BLTP3B: variants seen among roughly 807,000 people sequenced by gnomAD.
The protein encoded by BLTP3B is UHRF1 (ICBP90) binding protein 1-like.
chr12:100,081,781 G>A, the BLTP3B span, among the ~76,000 whole-genome samples: 1 of 152,178 alleles, frequency 6.6e-6, no homozygotes, highest in Non-Finnish European at 1.5e-5. Flanking sequence ...ACTCTGCGGT[G>A]TATATGTACC....
At chr12:100,055,548 G>C in the BLTP3B span, among the ~76,000 whole-genome samples, 3 of 151,578 alleles carry the variant, frequency 2.0e-5, no homozygotes, top group East Asian at 5.8e-4. Context: ...GTGGTGGTGG[G>C]TGCCTGTAAT....
the BLTP3B span, among the ~76,000 whole-genome samples, chr12:100,066,159 A>C: frequency 6.6e-6 from 1 of 152,146 alleles, no homozygotes; most frequent in Admixed American, 6.6e-5. Context: ...GACTCACACA[A>C]ACTTAAGGTA....
chr12:100,055,726 C>T, the BLTP3B span, among the ~76,000 whole-genome samples: 96 of 150,618 alleles, frequency 6.4e-4, no homozygotes, highest in Middle Eastern at 7.0e-3. Context: ...CCCAGTTCTG[C>T]GTACAATAAT....
the BLTP3B span, among the ~76,000 whole-genome samples, chr12:100,092,052 G>T: frequency 6.6e-6 from 1 of 151,116 alleles, no homozygotes; most frequent in Non-Finnish European, 1.5e-5. Flanking sequence ...CAAAAGATCC[G>T]CCTGCCTCAG....
the BLTP3B span, among the ~76,000 whole-genome samples, chr12:100,061,965 A>G: frequency 2.3e-3 from 354 of 152,338 alleles, 8 homozygotes; most frequent in East Asian, 0.04. Context: ...TAAACAGACA[A>G]TTACGGTAAA....
At chr12:100,109,997 T>C in the BLTP3B span, among the ~76,000 whole-genome samples, 1 of 152,146 alleles carries the variant, frequency 6.6e-6, no homozygotes, top group Non-Finnish European at 1.5e-5. Flanking sequence ...ACATTACACA[T>C]CTACTTTGAA....
the BLTP3B span, chr12:100,108,352 C>G: frequency 6.3e-7 from 1 of 1,583,708 alleles, no homozygotes; most frequent in Non-Finnish European, 8.5e-7. Context: ...AAAGGCCTTC[C>G]ACAAATATCA....
chr12:100,093,415 A>T, the BLTP3B span, among the ~76,000 whole-genome samples: 4 of 152,162 alleles, frequency 2.6e-5, no homozygotes, highest in Non-Finnish European at 4.4e-5. Flanking sequence ...GATCTACTAT[A>T]AAAAAATTAC....
At chr12:100,039,911 G>A in the BLTP3B span, 7 of 791,444 alleles carry the variant, frequency 8.8e-6, no homozygotes, top group Non-Finnish European at 1.1e-5. Context: ...GAGGATAGTA[G>A]TATGAGATAG....
the BLTP3B span, among the ~76,000 whole-genome samples, chr12:100,109,432 TA>T: frequency 2.5e-3 from 377 of 152,234 alleles, 1 homozygote; most frequent in African/African-American, 8.7e-3. Context: ...TTGTACGTTT[TA>T]AAGTAATTGT....
the BLTP3B span, chr12:100,058,680 C>T: frequency 1.2e-6 from 2 of 1,614,038 alleles, no homozygotes; most frequent in South Asian, 1.1e-5. Flanking sequence ...CAGTTCTGCA[C>T]TTCTAAGTAA....
At chr12:100,053,492 A>G in the BLTP3B span, among the ~76,000 whole-genome samples, 3 of 152,208 alleles carry the variant, frequency 2.0e-5, no homozygotes, top group Admixed American at 1.3e-4. Context: ...GTTAGGGACC[A>G]GAGGTAGGCT....
the BLTP3B span, among the ~76,000 whole-genome samples, chr12:100,074,118 C>T: frequency 6.6e-6 from 1 of 152,096 alleles, no homozygotes; most frequent in Non-Finnish European, 1.5e-5. Flanking sequence ...CTAGAAAATG[C>T]TAAACTCCAC....
chr12:100,131,189 T>C, the BLTP3B span, among the ~76,000 whole-genome samples: 2 of 151,744 alleles, frequency 1.3e-5, no homozygotes, highest in African/African-American at 4.8e-5. Flanking sequence ...TGCACACCTG[T>C]GGTCCCCACT....
chr12:100,075,041 T>C, the BLTP3B span, among the ~76,000 whole-genome samples: 1 of 151,502 alleles, frequency 6.6e-6, no homozygotes, highest in South Asian at 2.1e-4. Context: ...AGACGGAGTC[T>C]AGCTCTGTCA....
At chr12:100,103,607 C>A in the BLTP3B span, among the ~76,000 whole-genome samples, 1 of 152,082 alleles carries the variant, frequency 6.6e-6, no homozygotes, top group Non-Finnish European at 1.5e-5. Flanking sequence ...CAAAGACAGT[C>A]TGGATCAAAT....
At chr12:100,061,150 G>A in the BLTP3B span, among the ~76,000 whole-genome samples, 1 of 152,158 alleles carries the variant, frequency 6.6e-6, no homozygotes, top group African/African-American at 2.4e-5. Context: ...GGAGGTGCCT[G>A]CCTTTTGGGA....
At chr12:100,142,582 G>A in the BLTP3B span, 6 of 1,607,528 alleles carry the variant, frequency 3.7e-6, no homozygotes, top group South Asian at 6.6e-5. Flanking sequence ...ACACCGAGGC[G>A]CTCACTGACC....
chr12:100,047,441 G>A, the BLTP3B span: 6 of 939,532 alleles, frequency 6.4e-6, no homozygotes, highest in African/African-American at 6.6e-5. Flanking sequence ...GAGGTTTGCA[G>A]TAGGCTGAGA....
Sources: allele counts gnomAD v4.1 joint callset (sites outside exome capture counted in the v4.1 genomes callset), GRCh38; gene constraint gnomAD v4.1.1; transcripts MANE v1.5; gene names NCBI Gene and HGNC (gene_info 2026-07-23, HGNC 2026-07-21).